CCDC39: variants seen among roughly 807,000 people sequenced by gnomAD.
The protein encoded by CCDC39 is coiled-coil domain-containing protein 39.
Under a neutral mutation model 121.0 loss-of-function variants are expected in CCDC39, and 113 were observed. The ratio of observed to expected loss-of-function variants is 0.93; its 90% CI spans 0.80 to 1.09. The LOEUF is 1.09. Ranked by LOEUF, CCDC39 falls within the 50% of genes least tolerant of loss-of-function variation. The pLI is 0.00. For synonymous variants in CCDC39, 349 were observed against 352.2 expected (o/e 0.99, Z 0.10); for missense variants, 1,063 against 1,074.7 (o/e 0.99, Z 0.15).
At chr3:180,618,041 A>T (rs1717313661) in intron 16 of CCDC39, among the ~76,000 whole-genome samples, 1 of 152,100 alleles carries the variant, frequency 6.6e-6, no homozygotes, top group African/African-American at 2.4e-5. Flanking sequence ...ATTTGTTTAG[A>T]TACACAAGTA....
At chr3:180,650,838 T>C (rs78794519) in intron 9 of CCDC39, among the ~76,000 whole-genome samples, 2,756 of 151,114 alleles carry the variant, frequency 0.018, 107 homozygotes, top group East Asian at 0.16. Flanking sequence ...GCCTAGGGGA[T>C]AGAGCGAGAC....
At chr3:180,625,436 T>A (rs1717536791) in intron 14 of CCDC39, among the ~76,000 whole-genome samples, 1 of 152,074 alleles carries the variant, frequency 6.6e-6, no homozygotes, top group Non-Finnish European at 1.5e-5. Flanking sequence ...GGTTTTCAGA[T>A]TTCTCTTGCA....
At chr3:180,655,542 A>T (rs1331424385) in intron 6 of CCDC39, among the ~76,000 whole-genome samples, 1 of 147,416 alleles carries the variant, frequency 6.8e-6, no homozygotes, top group African/African-American at 2.5e-5. Context: ...GATAGGGAAG[A>T]AAAAAAAAAA....
In CCDC39 at chr3:180,629,715, T is replaced by C. The variant is rs529335520; in HGVS notation, c.1998+1754A>G. On this transcript the variant is annotated intron_variant, in intron 14 of 19. Transcript: ENST00000476379. ...GCTATACAACAACAACAACAAAAAA[T>C]GGGAATAACTGCGTGGCAAGCTGTG... is the stretch of plus-strand genomic sequence containing the variant. Among the ~76,000 whole-genome samples, 4 of 152,228 alleles carry C rather than the reference T, an allele frequency of 2.6e-5. No individual in the cohort carries two copies. In the East Asian group the frequency reaches 7.7e-4, roughly 29 times the overall value.
intron 3 of CCDC39, among the ~76,000 whole-genome samples, chr3:180,661,032 C>T (rs1711729775): frequency 6.6e-6 from 1 of 151,956 alleles, no homozygotes; most frequent in South Asian, 2.1e-4. Context: ...ACAGCAACTG[C>T]ATTAATCATT....
intron 1 of CCDC39, among the ~76,000 whole-genome samples, chr3:180,677,187 T>C (rs1282840947): frequency 3.3e-5 from 3 of 91,312 alleles, no homozygotes; most frequent in Non-Finnish European, 6.5e-5. Flanking sequence ...TATATATATA[T>C]ATATATATAT....
intron 13 of CCDC39, among the ~76,000 whole-genome samples, chr3:180,634,705 G>C (rs1280961834): frequency 6.6e-6 from 1 of 152,156 alleles, no homozygotes; most frequent in Non-Finnish European, 1.5e-5. Context: ...ATGACTGTGA[G>C]GAAATATAGA....
intron 8 of CCDC39, among the ~76,000 whole-genome samples, chr3:180,651,773 C>T (rs992853844): frequency 5.9e-5 from 9 of 152,124 alleles, no homozygotes; most frequent in South Asian, 2.1e-4. Context: ...CGCGGTGGCT[C>T]ACGCCTGTAA....
rs1040249671 is a variant in CCDC39 at position 180,614,450 on chromosome 3, C to T, written c.*471G>A. ...TAGCAAAAGAAGAAACTGCCTTTAA[C>T]AATTTTTCTCCCCAAAAGTCTGAGA... On this transcript the variant is annotated 3_prime_UTR_variant, in exon 20 of 20. Transcript: ENST00000476379. The T allele has an allele frequency of 7.2e-5, 11 of 152,468 alleles. No individual in the cohort carries two copies. Among genetic ancestry groups the T allele is most frequent in the African/African-American group, 2.4e-4 (10 of 41,322 alleles). 9.4% of individuals were successfully genotyped at this position (152,468 alleles called of 1,614,324 possible).
chr3:180,666,435 G>A (rs145432209), intron 1 of CCDC39, among the ~76,000 whole-genome samples: 1,680 of 152,000 alleles, frequency 0.011, 10 homozygotes, highest in South Asian at 0.028. Context: ...CCTTATTTTT[G>A]TCTAGTAGAG....
At chr3:180,617,316 GTGA>G (rs777832507) in intron 16 of CCDC39, 17 of 486,992 alleles carry the variant, frequency 3.5e-5, no homozygotes, top group Admixed American at 2.4e-4. Context: ...ATACTTGATA[GTGA>G]TAATAAAAGA....
intron 16 of CCDC39, chr3:180,617,561 C>A: frequency 1.7e-6 from 1 of 584,430 alleles, no homozygotes; most frequent in Non-Finnish European, 3.1e-6. Context: ...ATCCTGACCA[C>A]GGGTAGGCTT....
intron 9 of CCDC39, among the ~76,000 whole-genome samples, 185 bp from the exon 10 acceptor site, chr3:180,648,544 T>A (rs778897718): frequency 5.3e-5 from 8 of 152,222 alleles, no homozygotes; most frequent in Non-Finnish European, 4.4e-5. Flanking sequence ...TCTATTCTAG[T>A]AGACTAGGGT....
rs540660220 is a variant in CCDC39, at chr3:180,617,999, C to T, written c.2266-1033G>A. 3.9e-5 allele frequency among the ~76,000 whole-genome samples: 6 copies of T among 152,148 alleles called. No individual in the cohort carries two copies. In the South Asian group the frequency reaches 8.3e-4, roughly 21 times the overall value. Reference sequence around the variant, plus strand: ...TGTACCATTTTTTTAATCCATTATACCATATTTTTATTGTACCTTTTCTAT... The same window carrying T: ...TGTACCATTTTTTTAATCCATTATATCATATTTTTATTGTACCTTTTCTAT... On this transcript the variant is annotated intron_variant, in intron 16 of 19. Coordinates refer to ENST00000476379, the MANE Select transcript of CCDC39 (RefSeq NM_181426.2).
chr3:180,677,230 A>C (rs1712261802), intron 1 of CCDC39, among the ~76,000 whole-genome samples: 3 of 117,132 alleles, frequency 2.6e-5, no homozygotes, highest in East Asian at 2.7e-4. Context: ...TCACAGTACT[A>C]TGGGCCCTTC....
At position 180,679,167 on chromosome 3, in the gene CCDC39, A is replaced by T; in HGVS notation, c.90+124T>A. On this transcript the variant is annotated intron_variant, in intron 1 of 19. Transcript: ENST00000476379. This position sits in a 1 kb window ranked among gnomAD's most constrained non-coding sequence, Gnocchi z 4.0. ...AGGGAGGAGGGCGATGGTGCGGGGG[A>T]GTGTTAGAGGAAGCACAGGATTAGG... 1.3e-6 allele frequency: 1 copy of T among 762,704 alleles called. No homozygotes were observed. The allele number at this position is 762,704 out of a possible 1,614,324, so 47.2% of individuals were successfully genotyped here.
intron 16 of CCDC39, chr3:180,617,419 C>A: frequency 1.5e-6 from 1 of 669,182 alleles, no homozygotes; most frequent in Non-Finnish European, 2.7e-6. Context: ...ATAAAACAGC[C>A]TCAGGCAGGT....
At chr3:180,618,722 A>G (rs1422818137) in intron 16 of CCDC39, among the ~76,000 whole-genome samples, 2 of 152,200 alleles carry the variant, frequency 1.3e-5, no homozygotes, top group Admixed American at 1.3e-4. Context: ...CCATGTCCCT[A>G]CAAAGGATAT....
intron 2 of CCDC39, among the ~76,000 whole-genome samples, chr3:180,663,163 A>T (rs554735581): frequency 6.6e-6 from 1 of 152,290 alleles, no homozygotes; most frequent in Admixed American, 6.5e-5. Context: ...ATTATTATGA[A>T]TTTCAATTCT....
Sources: allele counts gnomAD v4.1 joint callset (sites outside exome capture counted in the v4.1 genomes callset), GRCh38; gene constraint gnomAD v4.1.1; non-coding constraint Gnocchi (gnomAD v3.1); transcripts MANE v1.5; gene names NCBI Gene and HGNC (gene_info 2026-07-23, HGNC 2026-07-21).